The following MMD2 variants were observed in gnomAD, a reference collection of about 807,000 sequenced individuals.
MMD2 encodes the protein monocyte to macrophage differentiation factor 2.
A neutral mutation model predicts 33.5 loss-of-function variants in MMD2; 30 were observed. The observed-to-expected ratio is 0.90, with a 90% confidence interval of 0.67 to 1.22. MMD2 has a LOEUF of 1.22. Ranked by LOEUF, MMD2 falls within the 50% of genes most tolerant of loss-of-function variation. MMD2 has a pLI of 0.00. For synonymous variants in MMD2, 129 were observed against 123.0 expected (o/e 1.05, Z -0.32); for missense variants, 364 against 325.4 (o/e 1.12, Z -0.91).
chr7:4,943,549 G>A (rs1476287498), intron 1 of MMD2, among the ~76,000 whole-genome samples: 1 of 152,088 alleles, frequency 6.6e-6, no homozygotes, highest in African/African-American at 2.4e-5. Context: ...CCTAGCTTGT[G>A]TCAAAGGGCA....
the MMD2 span, among the ~76,000 whole-genome samples, chr7:4,894,456 G>A: frequency 2.6e-5 from 4 of 152,092 alleles, no homozygotes; most frequent in Non-Finnish European, 4.4e-5. This position sits in a 1 kb window ranked among gnomAD's most constrained non-coding sequence, Gnocchi z 4.3. Context: ...GCTTTTAAGC[G>A]TGCCTTTCAT....
At chr7:4,937,614 T>C (rs1785778202) in intron 1 of MMD2, among the ~76,000 whole-genome samples, 1 of 152,172 alleles carries the variant, frequency 6.6e-6, no homozygotes, top group Non-Finnish European at 1.5e-5. Context: ...ATTCAAGCGA[T>C]GTTCCTGCTT....
chr7:4,911,880 T>C (rs1785023934), intron 4 of MMD2, among the ~76,000 whole-genome samples: 1 of 152,012 alleles, frequency 6.6e-6, no homozygotes, highest in African/African-American at 2.4e-5. Flanking sequence ...ACTCCTGACC[T>C]CAGGTGATCC....
At chr7:4,958,009 G>A (rs1371297198) in intron 1 of MMD2, among the ~76,000 whole-genome samples, 1 of 152,158 alleles carries the variant, frequency 6.6e-6, no homozygotes, top group African/African-American at 2.4e-5. Flanking sequence ...GAAGAATACT[G>A]CCAGCCCATC....
At chr7:4,919,664 C>T (rs147674853) in intron 3 of MMD2, among the ~76,000 whole-genome samples, 1,578 of 151,988 alleles carry the variant, frequency 0.01, 21 homozygotes, top group Middle Eastern at 0.041. Flanking sequence ...GGTGGGTGGA[C>T]CATCTGAGGT....
chr7:4,942,400 T>G (rs1785935318), intron 1 of MMD2, among the ~76,000 whole-genome samples: 3 of 138,728 alleles, frequency 2.2e-5, no homozygotes. Context: ...TGGCCCTGCC[T>G]GGGAGGACAT....
chr7:4,911,143 A>T lies in MMD2; in HGVS notation c.467+2T>A, dbSNP rs1784995904. ...TCCCTGAAGCCCCCAGGCCTGGCTT[A>T]CCGCTCATGGAAGAAGAAGACATAG... On this transcript the variant is annotated splice_donor_variant, in intron 5 of 6. Coordinates refer to ENST00000401401, the MANE Select transcript of MMD2 (RefSeq NM_198403.4). LOFTEE classifies it high-confidence loss of function. The T allele has an allele frequency of 4.4e-6, 7 of 1,573,344 alleles. No individual in the cohort carries two copies. The South Asian group carries it at 5.9e-5, about 13-fold the overall frequency.
chr7:4,951,878 G>A (rs1345708272), intron 1 of MMD2, among the ~76,000 whole-genome samples: 1 of 152,140 alleles, frequency 6.6e-6, no homozygotes, highest in Admixed American at 6.6e-5. Context: ...GGGACTACAG[G>A]TACGTGCTAC....
At chr7:4,943,350 G>A (rs1301059972) in intron 1 of MMD2, among the ~76,000 whole-genome samples, 2 of 151,896 alleles carry the variant, frequency 1.3e-5, no homozygotes, top group Admixed American at 1.3e-4. Context: ...TCACCATGTT[G>A]ACGAGGATGA....
intron 1 of MMD2, among the ~76,000 whole-genome samples, chr7:4,951,816 T>G (rs1222414197): frequency 6.6e-6 from 1 of 152,090 alleles, no homozygotes; most frequent in East Asian, 1.9e-4. Context: ...CCCAGACTGG[T>G]CTGAAACTCC....
intron 4 of MMD2, among the ~76,000 whole-genome samples, chr7:4,911,937 G>A (rs1362075993): frequency 2.6e-5 from 4 of 151,742 alleles, no homozygotes; most frequent in Non-Finnish European, 5.9e-5. Context: ...CTGAGCCACC[G>A]CGCCCGGCCT....
chr7:4,920,082 C>A, intron 3 of MMD2, 89 bp downstream of exon 3: 2 of 1,409,380 alleles, frequency 1.4e-6, no homozygotes, highest in Non-Finnish European at 1.9e-6. Context: ...ACCAGGCAGA[C>A]CGGATATCCT....
chr7:4,927,937 C>T (rs1785475499), intron 1 of MMD2, among the ~76,000 whole-genome samples: 1 of 152,108 alleles, frequency 6.6e-6, no homozygotes, highest in South Asian at 2.1e-4. Context: ...TCTGGTTCTG[C>T]CTTGACGCAA....
intron 2 of MMD2, among the ~76,000 whole-genome samples, chr7:4,922,585 T>G (rs905527278): frequency 6.6e-6 from 1 of 152,142 alleles, no homozygotes; most frequent in African/African-American, 2.4e-5. Flanking sequence ...TATATACATT[T>G]TTTTTTAGAG....
At chr7:4,916,955 C>G (rs1171799747) in intron 3 of MMD2, among the ~76,000 whole-genome samples, 2 of 152,070 alleles carry the variant, frequency 1.3e-5, no homozygotes, top group Non-Finnish European at 2.9e-5. Flanking sequence ...GCCTGTAGGC[C>G]TAGCTACTCC....
chr7:4,938,563 T>C (rs1785815499), intron 1 of MMD2, among the ~76,000 whole-genome samples: 1 of 152,068 alleles, frequency 6.6e-6, no homozygotes, highest in Admixed American at 6.6e-5. Flanking sequence ...CACAGTCAAA[T>C]TTCCCACCCT....
In MMD2 at chr7:4,936,788, G is replaced by C. The variant is rs1027674469; in HGVS notation, c.48-11256C>G. Among the ~76,000 whole-genome samples, 6 of 151,998 alleles carry C rather than the reference G, an allele frequency of 3.9e-5. No individual in the cohort carries two copies. In the South Asian group the frequency reaches 8.3e-4, roughly 21 times the overall value. Reference sequence around the variant, plus strand: ...TTCAGTCTGTTACCCAGGCTGGAGTGCAATGGCGCGATCTCAGCTCAGTGC... The same window carrying C: ...TTCAGTCTGTTACCCAGGCTGGAGTCCAATGGCGCGATCTCAGCTCAGTGC... On this transcript the variant is annotated intron_variant, in intron 1 of 6. Coordinates refer to ENST00000401401, the MANE Select transcript of MMD2 (RefSeq NM_198403.4).
At chr7:4,911,380 C>T (rs746993699) in intron 4 of MMD2, 134 bp from the exon 5 acceptor site, 19 of 637,164 alleles carry the variant, frequency 3.0e-5, no homozygotes, top group African/African-American at 2.6e-4. Flanking sequence ...GGGACATGGG[C>T]GCTCACAGGA....
the MMD2 span, among the ~76,000 whole-genome samples, chr7:4,893,949 G>T: frequency 6.6e-6 from 1 of 152,088 alleles, no homozygotes. Context: ...GGTAGGTTTT[G>T]GTGGGCTTCT....
Sources: allele counts gnomAD v4.1 joint callset (sites outside exome capture counted in the v4.1 genomes callset), GRCh38; gene constraint gnomAD v4.1.1; non-coding constraint Gnocchi (gnomAD v3.1); transcripts MANE v1.5; gene names NCBI Gene and HGNC (gene_info 2026-07-23, HGNC 2026-07-21).